PRKN: variants seen among roughly 807,000 people sequenced by gnomAD.
PRKN encodes the protein E3 ubiquitin-protein ligase parkin.
PRKN carries 56 observed loss-of-function variants against 59.5 expected under a neutral mutation model. The ratio of observed to expected loss-of-function variants is 0.94; its 90% CI spans 0.76 to 1.18. The LOEUF is 1.18. Among genes scored for constraint, PRKN ranks in the 50% most tolerant of loss-of-function variants. PRKN has a pLI of 0.00. For synonymous variants in PRKN, 250 were observed against 222.1 expected, an observed-to-expected ratio of 1.13 and a Z score of -1.12; for missense variants, 657 against 596.4, an observed-to-expected ratio of 1.10 and a Z score of -1.06.
chr6:162,162,106 A>G (rs1782784641), intron 4 of PRKN, among the ~76,000 whole-genome samples: 1 of 152,158 alleles, frequency 6.6e-6, no homozygotes, highest in Non-Finnish European at 1.5e-5. Flanking sequence ...ATTTTGAGAC[A>G]GAGTCTCACT....
chr6:162,147,387 G>A (rs977435898), intron 4 of PRKN, among the ~76,000 whole-genome samples: 3 of 147,810 alleles, frequency 2.0e-5, no homozygotes, highest in Non-Finnish European at 4.5e-5. Flanking sequence ...ATCATACCAC[G>A]TCTATGTTGG....
intron 6 of PRKN, among the ~76,000 whole-genome samples, chr6:161,863,689 G>A (rs1220744064): frequency 6.6e-6 from 1 of 152,112 alleles, no homozygotes. Flanking sequence ...TACTCCAGGT[G>A]GAAAGTCACA....
chr6:162,548,354 G>A (rs1476747161), intron 1 of PRKN, among the ~76,000 whole-genome samples: 2 of 152,142 alleles, frequency 1.3e-5, no homozygotes, highest in Non-Finnish European at 1.5e-5. Flanking sequence ...ACCGTGCCTG[G>A]TCCTCTCTCT....
intron 2 of PRKN, among the ~76,000 whole-genome samples, chr6:162,433,983 A>T (rs866262659): frequency 2.0e-5 from 3 of 152,170 alleles, no homozygotes; most frequent in African/African-American, 7.2e-5. Context: ...TAATTAGTCT[A>T]CATATTAAAT....
intron 3 of PRKN, among the ~76,000 whole-genome samples, chr6:162,219,756 A>G (rs889166824): frequency 7.9e-5 from 12 of 152,162 alleles, no homozygotes; most frequent in African/African-American, 2.9e-4. Context: ...TACATTTTAG[A>G]GATTAAATGA....
In PRKN at chr6:162,159,720, G is replaced by A. The variant is rs965268193; in HGVS notation, c.534+41411C>T. On this transcript the variant is annotated intron_variant, in intron 4 of 11. Coordinates refer to ENST00000366898, the MANE Select transcript of PRKN (RefSeq NM_004562.3). ...TCTTTGAGTTTTATTATAAGTTACA[G>A]TCATCAAGAAAGTGTGGTATTAGCA... Among the ~76,000 whole-genome samples, 3 of 152,198 alleles carry A rather than the reference G, an allele frequency of 2.0e-5. No homozygotes were observed. In the East Asian group the frequency reaches 5.8e-4, roughly 29 times the overall value.
At chr6:161,565,867 A>G (rs1780621605) in intron 8 of PRKN, among the ~76,000 whole-genome samples, 1 of 152,086 alleles carries the variant, frequency 6.6e-6, no homozygotes, top group Non-Finnish European at 1.5e-5. Flanking sequence ...TTTACCATCA[A>G]ATCCAATGCT....
At chr6:161,449,955 TG>T (rs1329333099) in intron 9 of PRKN, among the ~76,000 whole-genome samples, 1 of 152,146 alleles carries the variant, frequency 6.6e-6, no homozygotes, top group East Asian at 1.9e-4. Context: ...CAACGGTGCC[TG>T]CCTCTTTGCT....
intron 2 of PRKN, among the ~76,000 whole-genome samples, chr6:162,380,528 TATATAC>T (rs1324994094): frequency 1.4e-5 from 2 of 142,278 alleles, no homozygotes; most frequent in African/African-American, 5.2e-5. Context: ...TATATATGTA[TATATAC>T]ATATATATAT....
At chr6:161,995,512 C>G (rs1033831171) in intron 5 of PRKN, among the ~76,000 whole-genome samples, 1 of 152,022 alleles carries the variant, frequency 6.6e-6, no homozygotes, top group African/African-American at 2.4e-5. Context: ...ATTCATTCAA[C>G]AAGGGACTAA....
chr6:161,523,261 T>C (rs777021893), intron 9 of PRKN, among the ~76,000 whole-genome samples: 3 of 152,216 alleles, frequency 2.0e-5, no homozygotes, highest in Non-Finnish European at 4.4e-5. Context: ...AATTGGGAGA[T>C]AACTAAATTT....
chr6:162,118,006 G>C (rs1780747106), intron 4 of PRKN, among the ~76,000 whole-genome samples: 1 of 152,160 alleles, frequency 6.6e-6, no homozygotes, highest in Non-Finnish European at 1.5e-5. Context: ...TGAGGCAGGA[G>C]AATTGCTTGA....
At chr6:162,270,718 G>A (rs1055098838) in intron 2 of PRKN, 4 of 152,144 alleles carry the variant, frequency 2.6e-5, no homozygotes, top group African/African-American at 7.2e-5. Flanking sequence ...TTTACATTGA[G>A]TTCTTTCTTA....
At chr6:162,212,880 C>A (rs567981428) in intron 3 of PRKN, among the ~76,000 whole-genome samples, 2 of 152,034 alleles carry the variant, frequency 1.3e-5, no homozygotes, top group Non-Finnish European at 2.9e-5. Flanking sequence ...TATTTGTATA[C>A]CTAAACATAT....
At chr6:161,685,764 T>C (rs1221551174) in intron 7 of PRKN, among the ~76,000 whole-genome samples, 1 of 152,156 alleles carries the variant, frequency 6.6e-6, no homozygotes, top group Non-Finnish European at 1.5e-5. Context: ...AAAGGGTATA[T>C]GGGGTATCTC....
intron 7 of PRKN, among the ~76,000 whole-genome samples, chr6:161,668,630 G>A (rs1255673222): frequency 6.6e-6 from 1 of 152,186 alleles, no homozygotes; most frequent in Non-Finnish European, 1.5e-5. Context: ...GACAAGTACA[G>A]GAGGGATGGA....
intron 9 of PRKN, among the ~76,000 whole-genome samples, chr6:161,508,811 A>T (rs1380733119): frequency 2.0e-5 from 3 of 152,032 alleles, no homozygotes; most frequent in Non-Finnish European, 4.4e-5. Context: ...AGAGCTAAGA[A>T]TAGGAAAGTT....
rs1004921489 is a variant in PRKN at position 161,533,947 on chromosome 6, C to T, written c.1083+14907G>A. Among the ~76,000 whole-genome samples, 3 of 152,102 alleles carry T rather than the reference C, an allele frequency of 2.0e-5. No homozygotes were observed. The highest frequency in any genetic ancestry group is 6.6e-5 in the Admixed American group (1 of 15,260). On this transcript the variant is annotated intron_variant, in intron 9 of 11. Transcript: ENST00000366898. The surrounding 1 kb of genome is among the most constrained non-coding windows in gnomAD (Gnocchi z 4.1). Reference sequence around the variant, plus strand: ...GAAGGCTGTATATTCACACGACACTCGCCGTCACAGTGGTCTCTGTGACTT... The same window carrying T: ...GAAGGCTGTATATTCACACGACACTTGCCGTCACAGTGGTCTCTGTGACTT...
chr6:161,590,508 C>T (rs561452670), intron 7 of PRKN, among the ~76,000 whole-genome samples: 7 of 151,274 alleles, frequency 4.6e-5, no homozygotes, highest in South Asian at 2.1e-4. Context: ...TGAGGCGGGC[C>T]GATCAGTTGA....
Sources: allele counts gnomAD v4.1 joint callset (sites outside exome capture counted in the v4.1 genomes callset), GRCh38; gene constraint gnomAD v4.1.1; non-coding constraint Gnocchi (gnomAD v3.1); transcripts MANE v1.5; gene names NCBI Gene and HGNC (gene_info 2026-07-23, HGNC 2026-07-21).